Variants in MID1 observed in about 807,000 individuals in gnomAD.
MID1 encodes midline 1.
MID1 carries 7 observed loss-of-function variants against 40.4 expected under a neutral mutation model. The ratio of observed to expected loss-of-function variants is 0.17; its 90% CI spans 0.10 to 0.33. The LOEUF is 0.33. Among genes scored for constraint, MID1 ranks in the 10% least tolerant of loss-of-function variants. MID1 has a pLI of 1.00. For missense variants in MID1, 367 were observed against 558.5 expected (o/e 0.66, Z 3.46); for synonymous variants, 229 against 221.2 (o/e 1.04, Z -0.31).
chrX:10,723,183 A>G (rs781315654), intron 1 of MID1, among the ~76,000 whole-genome samples: 21 of 112,135 alleles, frequency 1.9e-4, no homozygotes, highest in South Asian at 7.5e-4. Flanking sequence ...ATTTCATCCT[A>G]AAATGTTAGC....
At chrX:10,601,919 CAG>C (rs1202812812) in intron 1 of MID1, among the ~76,000 whole-genome samples, 3 of 103,308 alleles carry the variant, frequency 2.9e-5, no homozygotes, top group Non-Finnish European at 3.9e-5. Context: ...TTTTTTGAGA[CAG>C]AGTCTCGCTC....
At chrX:10,685,532 T>C (rs1440221089) in intron 1 of MID1, among the ~76,000 whole-genome samples, 1 of 111,683 alleles carries the variant, frequency 9.0e-6, no homozygotes, top group African/African-American at 3.3e-5. Flanking sequence ...AACACCCCCA[T>C]TCCAGAGAGG....
chrX:10,695,996 A>T (rs1255189881), intron 1 of MID1, among the ~76,000 whole-genome samples: 1 of 111,658 alleles, frequency 9.0e-6, no homozygotes, highest in Non-Finnish European at 1.9e-5. Flanking sequence ...ATGTCAGGCA[A>T]CCATCAGGTG....
chrX:10,796,391 T>C (rs1271031309), intron 1 of MID1, among the ~76,000 whole-genome samples: 2 of 108,729 alleles, frequency 1.8e-5, no homozygotes, highest in Non-Finnish European at 3.8e-5. Context: ...TTAAGGGCTG[T>C]TTACAGAAAG....
chrX:10,654,232 T>A (rs2042853911), intron 1 of MID1, among the ~76,000 whole-genome samples: 1 of 112,012 alleles, frequency 8.9e-6, no homozygotes, highest in African/African-American at 3.2e-5. Flanking sequence ...TTCATGTACT[T>A]CCTCTACCTC....
At chrX:10,583,560 C>CA (rs761614373) in intron 1 of MID1, among the ~76,000 whole-genome samples, 11 of 111,546 alleles carry the variant, frequency 9.9e-5, no homozygotes, top group African/African-American at 2.0e-4. Flanking sequence ...CTATTTCTTA[C>CA]AAAAAAATGG....
chrX:10,642,233 CTT>C (rs1936206584), intron 1 of MID1, among the ~76,000 whole-genome samples: 1 of 111,248 alleles, frequency 9.0e-6, no homozygotes, highest in African/African-American at 3.3e-5. Flanking sequence ...AATTGTCCCT[CTT>C]TGCAGATGAC....
At chrX:10,498,286 A>AT (rs955856062) in intron 3 of MID1, among the ~76,000 whole-genome samples, 1 of 111,498 alleles carries the variant, frequency 9.0e-6, no homozygotes, top group African/African-American at 3.3e-5. Context: ...TTTAAAATGT[A>AT]TTTTTTTGTA....
intron 1 of MID1, among the ~76,000 whole-genome samples, chrX:10,765,946 A>G (rs867128079): frequency 6.1e-4 from 8 of 13,132 alleles, no homozygotes; most frequent in Non-Finnish European, 1.6e-3. Context: ...AGGAAAGGAA[A>G]GAAAGAAAGA....
chrX:10,494,153 T>G (rs1185594730), intron 4 of MID1, among the ~76,000 whole-genome samples: 1 of 112,504 alleles, frequency 8.9e-6, no homozygotes, highest in Non-Finnish European at 1.9e-5. Flanking sequence ...TCTGTTAATC[T>G]ACTATACCAG....
chrX:10,795,997 G>A (rs2043964399), intron 1 of MID1, among the ~76,000 whole-genome samples: 1 of 111,732 alleles, frequency 8.9e-6, no homozygotes, highest in Non-Finnish European at 1.9e-5. Flanking sequence ...TCTATACACT[G>A]TTTTTCCCAT....
At chrX:10,684,251 C>T (rs966828647) in intron 1 of MID1, among the ~76,000 whole-genome samples, 1 of 111,193 alleles carries the variant, frequency 9.0e-6, no homozygotes, top group Non-Finnish European at 1.9e-5. Context: ...CAGTTTGATA[C>T]ACATACAGGC....
At chrX:10,704,707 T>C (rs2043213984) in intron 1 of MID1, among the ~76,000 whole-genome samples, 1 of 62,488 alleles carries the variant, frequency 1.6e-5, no homozygotes, top group African/African-American at 9.2e-5. Context: ...TATATGCATG[T>C]GTGTGTGTGT....
chrX:10,611,642 C>T (rs572415741), intron 1 of MID1, among the ~76,000 whole-genome samples: 74 of 111,208 alleles, frequency 6.7e-4, no homozygotes, highest in African/African-American at 2.2e-3. Flanking sequence ...GCAGTAGCTC[C>T]GGATCAAGGA....
rs1252053335 is a variant in MID1, at chrX:10,501,353, C to CA, written c.757-5663dup. ...CATTAGCCCACCAGTATGAGAAACTCAGTCACTTTCACCTCATCTCATTTT... is the reference window on the plus strand; with the variant it reads ...CATTAGCCCACCAGTATGAGAAACTCAAGTCACTTTCACCTCATCTCATTTT... On this transcript the variant is annotated intron_variant, in intron 3 of 9. Coordinates refer to ENST00000317552, the MANE Select transcript of MID1 (RefSeq NM_000381.4). The CA allele has an allele frequency of 5.7e-6, 6 of 1,059,719 alleles. No individual in the cohort carries two copies. The East Asian group carries it at 2.0e-4, about 35-fold the overall frequency. The allele number at this position is 1,059,719 out of a possible 1,213,427, so 87.3% of individuals were successfully genotyped here.
At chrX:10,537,961 C>CTTTA (rs201370615) in intron 2 of MID1, among the ~76,000 whole-genome samples, 3,494 of 110,870 alleles carry the variant, frequency 0.032, 76 homozygotes, top group Admixed American at 0.096. Flanking sequence ...CCCACCTTCC[C>CTTTA]TTTATTTATT....
At chrX:10,501,814 A>G (rs1931560406) in intron 3 of MID1, among the ~76,000 whole-genome samples, 1 of 111,983 alleles carries the variant, frequency 8.9e-6, no homozygotes, top group African/African-American at 3.2e-5. Flanking sequence ...TAAATGGATT[A>G]GCTATTTTCT....
intron 1 of MID1, among the ~76,000 whole-genome samples, chrX:10,824,379 T>C (rs2044200607): frequency 8.9e-6 from 1 of 112,383 alleles, no homozygotes; most frequent in Non-Finnish European, 1.9e-5. Context: ...GGTTCCTTCA[T>C]TATCTTCAAA....
At chrX:10,460,012 A>G in intron 7 of MID1, 2 of 455,771 alleles carry the variant, frequency 4.4e-6, no homozygotes, top group Non-Finnish European at 7.7e-6. Context: ...TGCCCTGTAT[A>G]TCCAGGCCCA....
Sources: allele counts gnomAD v4.1 joint callset (sites outside exome capture counted in the v4.1 genomes callset), GRCh38; gene constraint gnomAD v4.1.1; transcripts MANE v1.5; gene names NCBI Gene and HGNC (gene_info 2026-07-23, HGNC 2026-07-21).